GOLIM4: variants seen among roughly 807,000 people sequenced by gnomAD.
GOLIM4 encodes golgi integral membrane protein 4, also known as 130 kDa golgi-localized phosphoprotein.
GOLIM4 carries 71 observed loss-of-function variants against 107.4 expected under a neutral mutation model. That is an observed-to-expected ratio of 0.66 (90% CI 0.55 to 0.81). The LOEUF (loss-of-function observed/expected upper bound fraction) is 0.81, where lower values mean the gene tolerates loss of function less well. Ranked by LOEUF, GOLIM4 falls within the 30% of genes least tolerant of loss-of-function variation. The pLI, the probability that GOLIM4 is intolerant of heterozygous loss-of-function variation, is 0.00. For missense variants in GOLIM4, 830 were observed against 826.1 expected (o/e 1.00, Z -0.06); for synonymous variants, 327 against 294.8 (o/e 1.11, Z -1.12).
At chr3:168,080,555 A>C (rs1216812651) in intron 1 of GOLIM4, among the ~76,000 whole-genome samples, 2 of 152,198 alleles carry the variant, frequency 1.3e-5, no homozygotes, top group Non-Finnish European at 2.9e-5. Context: ...TTTAAGGCTT[A>C]CTTTCTTCAT....
chr3:168,091,613 C>T (rs1055430180), intron 1 of GOLIM4, among the ~76,000 whole-genome samples: 8 of 152,166 alleles, frequency 5.3e-5, no homozygotes, highest in African/African-American at 1.4e-4. Context: ...TTACCCATGA[C>T]AAACCTGGCA....
At chr3:168,058,480 T>C (rs888266335) in intron 1 of GOLIM4, among the ~76,000 whole-genome samples, 2 of 152,224 alleles carry the variant, frequency 1.3e-5, no homozygotes, top group Non-Finnish European at 2.9e-5. Context: ...AAAGGATTCT[T>C]CTCTTAGCTG....
intron 8 of GOLIM4, among the ~76,000 whole-genome samples, chr3:168,033,880 C>T (rs1022086008): frequency 6.6e-5 from 10 of 151,956 alleles, no homozygotes; most frequent in Non-Finnish European, 7.4e-5. Flanking sequence ...TAAGTTTCAG[C>T]GATCTCTATA....
At chr3:168,010,463 T>C in intron 15 of GOLIM4, 45 bp from the exon 16 acceptor site, 2 of 1,275,802 alleles carry the variant, frequency 1.6e-6, no homozygotes, top group Non-Finnish European at 2.2e-6. Context: ...TAGTATAGAG[T>C]TAGTGATAAA....
At chr3:168,036,268 T>C (rs1718646765) in intron 8 of GOLIM4, among the ~76,000 whole-genome samples, 1 of 152,196 alleles carries the variant, frequency 6.6e-6, no homozygotes, top group African/African-American at 2.4e-5. Context: ...CGGCCAGGTG[T>C]GGTGGCTCAC....
chr3:168,080,235 G>A (rs1721284550), intron 1 of GOLIM4, among the ~76,000 whole-genome samples: 1 of 152,186 alleles, frequency 6.6e-6, no homozygotes, highest in Non-Finnish European at 1.5e-5. Context: ...GGTCACTGCT[G>A]TCCAACAGAA....
At position 168,090,304 on chromosome 3, in the gene GOLIM4, T is replaced by A. The variant is rs146163137; in HGVS notation, c.187+4795A>T. Among the ~76,000 whole-genome samples, 1,026 of 150,672 alleles carry A rather than the reference T, an allele frequency of 6.8e-3. 3 individuals carry two copies. Among genetic ancestry groups the A allele is most frequent in the Middle Eastern group, 0.021 (6 of 288 alleles). On this transcript the variant is annotated intron_variant, in intron 1 of 15. Coordinates refer to ENST00000470487, the MANE Select transcript of GOLIM4 (RefSeq NM_014498.5). Reference sequence around the variant, plus strand: ...TGATAAAGGGCTAATATCCAGAAGCTACAAGGAACTCAAGCAGCTTGACAA... The same window carrying A: ...TGATAAAGGGCTAATATCCAGAAGCAACAAGGAACTCAAGCAGCTTGACAA...
intron 14 of GOLIM4, among the ~76,000 whole-genome samples, chr3:168,012,687 T>G (rs1717121466): frequency 6.6e-6 from 1 of 151,754 alleles, no homozygotes; most frequent in Admixed American, 6.6e-5. Context: ...TAACAGCGGA[T>G]CTCTCGGCAG....
In GOLIM4 at chr3:168,072,105, T is replaced by C. The variant is rs79135085; in HGVS notation, c.187+22994A>G. Among the ~76,000 whole-genome samples the C allele has an allele frequency of 5.6e-3, 848 of 152,246 alleles. 7 individuals carry two copies. The highest frequency in any genetic ancestry group is 0.017 in the African/African-American group (716 of 41,550). ...AACTCAACGTGGATCACGCCCCAAA[T>C]TGCACTGATGATCTGAGGAAACAAA... On this transcript the variant is annotated intron_variant, in intron 1 of 15. Transcript: ENST00000470487.
intron 11 of GOLIM4, among the ~76,000 whole-genome samples, chr3:168,028,554 G>C (rs1048962631): frequency 2.6e-5 from 4 of 152,070 alleles, no homozygotes; most frequent in African/African-American, 9.7e-5. Context: ...TGCACAAAGG[G>C]GTTTACTACA....
In GOLIM4 at chr3:168,024,915, G is replaced by C. The variant is rs1348048264; in HGVS notation, c.1791+13C>G. 6.2e-7 allele frequency: 1 copy of C among 1,606,642 alleles called. No homozygotes were observed. Among genetic ancestry groups the C allele is most frequent in the Non-Finnish European group, 8.5e-7 (1 of 1,173,658 alleles). ...CCCAGTTAAATCCACCCTTCCTCGT[G>C]GCATCTGCTTACCACCAAATGTTCC... On this transcript the variant is annotated intron_variant, in intron 13 of 15. Coordinates refer to ENST00000470487, the MANE Select transcript of GOLIM4 (RefSeq NM_014498.5).
chr3:168,060,032 T>G (rs932706659), intron 1 of GOLIM4, among the ~76,000 whole-genome samples: 4 of 151,132 alleles, frequency 2.6e-5, no homozygotes, highest in Non-Finnish European at 5.9e-5. Flanking sequence ...AGGGGCAGAG[T>G]GCAATGGTCA....
intron 12 of GOLIM4, among the ~76,000 whole-genome samples, chr3:168,025,594 A>G (rs1283856946): frequency 2.4e-4 from 37 of 152,222 alleles, no homozygotes; most frequent in Admixed American, 2.4e-3. Context: ...GACCCATAAA[A>G]AGGATACGAA....
At chr3:168,013,703 T>A (rs1457646519) in intron 14 of GOLIM4, among the ~76,000 whole-genome samples, 2 of 151,676 alleles carry the variant, frequency 1.3e-5, no homozygotes, top group Non-Finnish European at 2.9e-5. Flanking sequence ...CAGACCACAG[T>A]GCAATCAAAC....
At chr3:168,018,714 G>A (rs1455797577) in intron 14 of GOLIM4, among the ~76,000 whole-genome samples, 2 of 152,110 alleles carry the variant, frequency 1.3e-5, no homozygotes, top group Admixed American at 1.3e-4. Context: ...TAATTGAAAC[G>A]TCATTAAATT....
chr3:168,083,784 G>A (rs1161024461), intron 1 of GOLIM4, among the ~76,000 whole-genome samples: 1 of 152,116 alleles, frequency 6.6e-6, no homozygotes, highest in East Asian at 1.9e-4. Flanking sequence ...TCACCTTATG[G>A]TAGGCTGCTA....
intron 1 of GOLIM4, among the ~76,000 whole-genome samples, chr3:168,070,252 G>A (rs1324527946): frequency 1.3e-5 from 2 of 152,170 alleles, no homozygotes; most frequent in Non-Finnish European, 2.9e-5. Flanking sequence ...AATTAGACTG[G>A]CGTGGTGGCA....
At chr3:168,032,924 A>G (rs1308005992) in intron 8 of GOLIM4, 72 bp from the exon 9 acceptor site, 36 of 1,172,432 alleles carry the variant, frequency 3.1e-5, no homozygotes, top group Non-Finnish European at 4.2e-5. Flanking sequence ...CTTGATTTCC[A>G]TGTCTATGGG....
rs1553791594 is a variant in GOLIM4 at position 168,009,426 on chromosome 3, C to CAAAAAAAAAA, written c.*842_*843insTTTTTTTTTT. ...AAACAAGAATATCAATCAATGGCTT[C>CAAAAAAAAAA]AAACAAAAAAAAAAAAAAAAAATTG... On this transcript the variant is annotated 3_prime_UTR_variant, in exon 16 of 16. Transcript: ENST00000470487. 1.1e-4 allele frequency: 1 copy of CAAAAAAAAAA among 8,742 alleles called. No homozygotes were observed. The highest frequency in any genetic ancestry group is 1.9e-3 in the Admixed American group (1 of 530). The allele number at this position is 8,742 out of a possible 1,614,324, so 0.5% of individuals were successfully genotyped here.
Sources: allele counts gnomAD v4.1 joint callset (sites outside exome capture counted in the v4.1 genomes callset), GRCh38; gene constraint gnomAD v4.1.1; transcripts MANE v1.5; gene names NCBI Gene and HGNC (gene_info 2026-07-23, HGNC 2026-07-21).